Variants in VTA1 observed in about 807,000 individuals in gnomAD.
VTA1 encodes the protein vacuolar protein sorting-associated protein VTA1 homolog.
VTA1 carries 24 observed loss-of-function variants against 36.9 expected under a neutral mutation model. The observed-to-expected ratio is 0.65, with a 90% CI of 0.47 to 0.91. The LOEUF (loss-of-function observed/expected upper bound fraction) is 0.91. VTA1 is among the 40% of genes least tolerant of loss of function. VTA1 has a pLI of 0.00. For missense variants in VTA1, 393 were observed against 377.2 expected, an observed-to-expected ratio of 1.04 and a Z score of -0.35; for synonymous variants, 142 against 130.2, an observed-to-expected ratio of 1.09 and a Z score of -0.62.
At chr6:142,174,343 T>C (rs1775079347) in intron 4 of VTA1, among the ~76,000 whole-genome samples, 1 of 152,212 alleles carries the variant, frequency 6.6e-6, no homozygotes, top group Admixed American at 6.5e-5. Context: ...GTCTACTATG[T>C]TGGTTTTTGG....
intron 4 of VTA1, among the ~76,000 whole-genome samples, chr6:142,175,020 A>G (rs753320787): frequency 6.6e-6 from 1 of 152,140 alleles, no homozygotes; most frequent in Non-Finnish European, 1.5e-5. Flanking sequence ...TATAGCAGTG[A>G]AAACAGACTA....
intron 5 of VTA1, 87 bp downstream of exon 5, chr6:142,189,621 C>T: frequency 9.7e-7 from 1 of 1,035,638 alleles, no homozygotes; most frequent in Non-Finnish European, 1.4e-6. Context: ...GGGAACAATA[C>T]AGTTTTGTTT....
intron 2 of VTA1, among the ~76,000 whole-genome samples, chr6:142,168,888 TC>T (rs1774975478): frequency 6.6e-6 from 1 of 151,718 alleles, no homozygotes; most frequent in East Asian, 1.9e-4. Context: ...TGCCTCAGCC[TC>T]CCGAGTAGCT....
chr6:142,164,963 T>A (rs1364595991), intron 1 of VTA1, among the ~76,000 whole-genome samples: 3 of 152,180 alleles, frequency 2.0e-5, no homozygotes, highest in African/African-American at 4.8e-5. Context: ...ACAGGTTAAA[T>A]ACATAGAAGA....
rs1189068885 is a variant in VTA1 at position 142,222,389 on chromosome 6, C to G, written c.*3746C>G. 1 of 152,144 alleles carries G rather than the reference C, an allele frequency of 6.6e-6. No homozygotes were observed. The highest frequency in any genetic ancestry group is 2.4e-5 in the African/African-American group (1 of 41,416). The allele number at this position is 152,144 out of a possible 1,614,324, so 9.4% of individuals were successfully genotyped here. A position where few individuals can be genotyped will look rare whatever the true frequency, so the allele number is the denominator to read the frequency against. On this transcript the variant is annotated 3_prime_UTR_variant, in exon 8 of 8. Transcript: ENST00000367630. ...ATCACTGCTGAACTGGAGCTGCAAGCCAAGAATAGTTCCCATGGTTAGCAT... is the reference window on the plus strand; with the variant it reads ...ATCACTGCTGAACTGGAGCTGCAAGGCAAGAATAGTTCCCATGGTTAGCAT...
In VTA1 at chr6:142,198,365, A is replaced by G. The variant is rs940819574; in HGVS notation, c.521-74A>G. On this transcript the variant is annotated intron_variant, in intron 5 of 7. Transcript: ENST00000367630. ...TTTAAAGATTCCATTTGTCATGTGT[A>G]TAATGAAATAAGAATACCTAGCACT... The G allele has an allele frequency of 2.8e-6, 4 of 1,405,370 alleles. No individual in the cohort carries two copies. In the African/African-American group the frequency reaches 4.3e-5, roughly 15 times the overall value. 87.1% of individuals were successfully genotyped at this position (1,405,370 alleles called of 1,614,324 possible).
At chr6:142,155,382 T>C (rs1778644694) in intron 1 of VTA1, among the ~76,000 whole-genome samples, 1 of 152,206 alleles carries the variant, frequency 6.6e-6, no homozygotes, top group Admixed American at 6.5e-5. Context: ...TTTATACATT[T>C]ATGATAAGCT....
intron 7 of VTA1, among the ~76,000 whole-genome samples, chr6:142,205,999 A>G (rs1349608494): frequency 6.6e-6 from 1 of 152,194 alleles, no homozygotes; most frequent in Non-Finnish European, 1.5e-5. Flanking sequence ...AGAGTACTTC[A>G]CTCAGAATGA....
At chr6:142,158,398 A>T (rs1442774192) in intron 1 of VTA1, among the ~76,000 whole-genome samples, 2 of 152,192 alleles carry the variant, frequency 1.3e-5, no homozygotes, top group Admixed American at 6.5e-5. Flanking sequence ...TACTCAGGAT[A>T]ATAATAAGAT....
intron 5 of VTA1, among the ~76,000 whole-genome samples, chr6:142,191,366 A>G (rs1394910755): frequency 6.6e-6 from 1 of 152,112 alleles, no homozygotes; most frequent in African/African-American, 2.4e-5. Context: ...CATTCTTTCC[A>G]TATCAGTAAC....
chr6:142,176,068 C>A (rs1172964262), intron 4 of VTA1, among the ~76,000 whole-genome samples: 3 of 152,090 alleles, frequency 2.0e-5, no homozygotes, highest in African/African-American at 7.2e-5. Flanking sequence ...GTTATAGAGT[C>A]AACATAAATA....
intron 7 of VTA1, among the ~76,000 whole-genome samples, chr6:142,212,799 T>G (rs192984799): frequency 6.6e-6 from 1 of 152,068 alleles, no homozygotes; most frequent in Non-Finnish European, 1.5e-5. Flanking sequence ...CCACACACTT[T>G]TAAACCATCA....
In VTA1 at chr6:142,220,489, C is replaced by T. The variant is rs1326559536; in HGVS notation, c.*1846C>T. 1.3e-5 allele frequency: 2 copies of T among 152,138 alleles called. No homozygotes were observed. The highest frequency in any genetic ancestry group is 1.3e-4 in the Admixed American group (2 of 15,264). The allele number at this position is 152,138 out of a possible 1,614,324, so 9.4% of individuals were successfully genotyped here. On this transcript the variant is annotated 3_prime_UTR_variant, in exon 8 of 8. Transcript: ENST00000367630. ...CCTTCTCTGTAAAATGGAAATGACACCACTAGCCATCTCAATAGTTACAAG... is the reference window on the plus strand; with the variant it reads ...CCTTCTCTGTAAAATGGAAATGACATCACTAGCCATCTCAATAGTTACAAG...
At chr6:142,150,850 C>T (rs1035352750) in intron 1 of VTA1, among the ~76,000 whole-genome samples, 11 of 150,980 alleles carry the variant, frequency 7.3e-5, no homozygotes, top group African/African-American at 1.7e-4. Flanking sequence ...AGGCAGAAGT[C>T]GCAGTAAGCT....
chr6:142,209,213 T>TA (rs1775853062), intron 7 of VTA1, among the ~76,000 whole-genome samples: 2 of 151,898 alleles, frequency 1.3e-5, no homozygotes, highest in South Asian at 2.1e-4. Context: ...AGAATCAACA[T>TA]ACAAAAATCA....
At chr6:142,153,583 A>C (rs1778607890) in intron 1 of VTA1, among the ~76,000 whole-genome samples, 1 of 152,080 alleles carries the variant, frequency 6.6e-6, no homozygotes, top group South Asian at 2.1e-4. Context: ...AAATTACCTT[A>C]ATATTCCTAC....
At chr6:142,201,244 AT>A (rs1160861538) in intron 6 of VTA1, among the ~76,000 whole-genome samples, 1 of 151,888 alleles carries the variant, frequency 6.6e-6, no homozygotes, top group East Asian at 1.9e-4. Flanking sequence ...ACAAAATAAC[AT>A]TTTTAATAAT....
intron 1 of VTA1, among the ~76,000 whole-genome samples, chr6:142,159,934 C>T (rs576254632): frequency 8.5e-5 from 13 of 152,116 alleles, no homozygotes; most frequent in African/African-American, 3.1e-4. Context: ...ATGTCACTAT[C>T]TTCTGTTTTT....
intron 1 of VTA1, among the ~76,000 whole-genome samples, chr6:142,152,029 G>A (rs547489438): frequency 2.1e-4 from 32 of 151,784 alleles, no homozygotes; most frequent in African/African-American, 7.0e-4. Context: ...GCAAGACTTC[G>A]TCTCAAAAAA....
Sources: allele counts gnomAD v4.1 joint callset (sites outside exome capture counted in the v4.1 genomes callset), GRCh38; gene constraint gnomAD v4.1.1; transcripts MANE v1.5; gene names NCBI Gene and HGNC (gene_info 2026-07-23, HGNC 2026-07-21).